Variants in ZCWPW2 observed in about 807,000 individuals in gnomAD.
ZCWPW2 encodes the protein zinc finger CW-type PWWP domain protein 2.
A neutral mutation model predicts 46.6 loss-of-function variants in ZCWPW2; 45 were observed. The observed-to-expected ratio is 0.96, with a 90% CI of 0.76 to 1.24. The LOEUF (loss-of-function observed/expected upper bound fraction) is 1.24. Ranked by LOEUF, ZCWPW2 falls within the 50% of genes most tolerant of loss-of-function variation. The pLI is 0.00. For missense variants in ZCWPW2, 429 were observed against 403.9 expected (o/e 1.06, Z -0.53); for synonymous variants, 152 against 137.1 (o/e 1.11, Z -0.76).
At chr3:28,508,140 G>T (rs1185399355) in intron 6 of ZCWPW2, among the ~76,000 whole-genome samples, 4 of 152,012 alleles carry the variant, frequency 2.6e-5, no homozygotes, top group Admixed American at 2.6e-4. Flanking sequence ...ACAACCAACC[G>T]TAGTGAGAAT....
intron 5 of ZCWPW2, among the ~76,000 whole-genome samples, chr3:28,487,750 G>T (rs143680246): frequency 2.0e-5 from 3 of 152,232 alleles, no homozygotes; most frequent in South Asian, 2.1e-4. Flanking sequence ...TAAGACATGA[G>T]GGGGAGGGAA....
intron 1 of ZCWPW2, among the ~76,000 whole-genome samples, chr3:28,356,866 A>G (rs915336959): frequency 2.6e-5 from 4 of 152,112 alleles, no homozygotes; most frequent in Non-Finnish European, 5.9e-5. Context: ...GGGTGGGAGA[A>G]GGGGGGAAGG....
chr3:28,440,671 A>G (rs897814902), intron 4 of ZCWPW2, among the ~76,000 whole-genome samples: 33 of 152,160 alleles, frequency 2.2e-4, no homozygotes, highest in African/African-American at 7.7e-4. Context: ...TGAATTTTAT[A>G]AGCATGAGCC....
At chr3:28,489,752 G>A (rs921820873) in intron 5 of ZCWPW2, among the ~76,000 whole-genome samples, 14 of 150,850 alleles carry the variant, frequency 9.3e-5, no homozygotes, top group African/African-American at 3.4e-4. Context: ...TTGATTATCT[G>A]TTATCTTCAG....
chr3:28,474,706 A>C (rs1376402231), intron 4 of ZCWPW2, among the ~76,000 whole-genome samples: 1 of 151,162 alleles, frequency 6.6e-6, no homozygotes, highest in African/African-American at 2.4e-5. Context: ...TTCTGTCCTG[A>C]ATTTTCATAT....
At chr3:28,408,781 T>C (rs1418975803) in intron 2 of ZCWPW2, among the ~76,000 whole-genome samples, 4 of 152,148 alleles carry the variant, frequency 2.6e-5, no homozygotes, top group Non-Finnish European at 5.9e-5. Context: ...TTATTGATAA[T>C]CTCATTCTTT....
intron 4 of ZCWPW2, among the ~76,000 whole-genome samples, chr3:28,461,331 T>C (rs1166723830): frequency 6.6e-6 from 1 of 152,116 alleles, no homozygotes; most frequent in Non-Finnish European, 1.5e-5. Flanking sequence ...TTAGGTACCA[T>C]TTTTTGTATA....
intron 5 of ZCWPW2, 103 bp from the exon 6 acceptor site, chr3:28,492,024 A>C: frequency 2.6e-6 from 3 of 1,149,048 alleles, no homozygotes; most frequent in Non-Finnish European, 3.8e-6. Context: ...ATACTGTTAC[A>C]ATAGTAATGA....
chr3:28,498,314 T>A (rs1306692071), intron 6 of ZCWPW2, among the ~76,000 whole-genome samples: 1 of 151,660 alleles, frequency 6.6e-6, no homozygotes, highest in Admixed American at 6.6e-5. Flanking sequence ...TACAAACTTA[T>A]AATTGAGACA....
At chr3:28,417,272 G>A (rs1696627997) in intron 3 of ZCWPW2, among the ~76,000 whole-genome samples, 1 of 151,918 alleles carries the variant, frequency 6.6e-6, no homozygotes, top group South Asian at 2.1e-4. Flanking sequence ...TAGAAGAAAT[G>A]GATAAATTCC....
At chr3:28,377,334 C>A (rs529515237) in intron 1 of ZCWPW2, among the ~76,000 whole-genome samples, 1 of 152,164 alleles carries the variant, frequency 6.6e-6, no homozygotes, top group South Asian at 2.1e-4. Context: ...AATCATTATG[C>A]AGTTCTCACT....
chr3:28,364,132 T>G (rs1705037279), intron 1 of ZCWPW2, among the ~76,000 whole-genome samples: 1 of 152,144 alleles, frequency 6.6e-6, no homozygotes. Context: ...TAGTATCAAC[T>G]AAGAGCAAAA....
intron 6 of ZCWPW2, among the ~76,000 whole-genome samples, chr3:28,495,417 A>G (rs1240640698): frequency 1.3e-5 from 2 of 152,128 alleles, no homozygotes; most frequent in Admixed American, 6.6e-5. Context: ...ATTTAGAATC[A>G]AAGACTATAA....
At position 28,390,585 on chromosome 3, in the gene ZCWPW2, A is replaced by G. The variant is rs1695447626; in HGVS notation, c.-46A>G. On this transcript the variant is annotated 5_prime_UTR_variant, in exon 2 of 10. Coordinates refer to ENST00000383768, the MANE Select transcript of ZCWPW2 (RefSeq NM_001040432.4). The stretch of plus-strand genomic sequence containing the variant: ...TTTTGGAGTCTATTTTCTTCATGGA[A>G]TTTTGCTAGGAACAAAAGAAAAGTC... 5 of 985,202 alleles carry G rather than the reference A, an allele frequency of 5.1e-6. No homozygotes were observed. In the East Asian group the frequency reaches 5.7e-4, roughly 112 times the overall value. 61.0% of individuals were successfully genotyped at this position (985,202 alleles called of 1,614,324 possible).
intron 4 of ZCWPW2, among the ~76,000 whole-genome samples, chr3:28,462,769 C>G (rs1286856190): frequency 6.6e-6 from 1 of 151,988 alleles, no homozygotes; most frequent in East Asian, 1.9e-4. Flanking sequence ...CTCCACGGGC[C>G]TCACTGGTGG....
At chr3:28,477,619 C>T (rs1699278361) in intron 4 of ZCWPW2, among the ~76,000 whole-genome samples, 1 of 152,052 alleles carries the variant, frequency 6.6e-6, no homozygotes. Context: ...AATTTGGGGA[C>T]TCTAAGAATA....
chr3:28,364,566 C>A (rs1000194421), intron 1 of ZCWPW2, among the ~76,000 whole-genome samples: 7 of 152,066 alleles, frequency 4.6e-5, no homozygotes, highest in African/African-American at 1.7e-4. Flanking sequence ...TTTACATTCC[C>A]ACCAACAGTG....
intron 4 of ZCWPW2, among the ~76,000 whole-genome samples, chr3:28,460,722 G>C (rs1431750325): frequency 6.6e-6 from 1 of 152,168 alleles, no homozygotes; most frequent in Non-Finnish European, 1.5e-5. Flanking sequence ...AGTTTCTACT[G>C]AACTGCTTTA....
chr3:28,514,647 C>T (rs535558606), intron 7 of ZCWPW2, among the ~76,000 whole-genome samples: 13 of 152,036 alleles, frequency 8.6e-5, no homozygotes, highest in Admixed American at 3.3e-4. Context: ...CTTAGAAGTA[C>T]GGAAAAAGCT....
Sources: gnomAD v4.1 joint callset for allele counts (sites outside exome capture counted in the v4.1 genomes callset) on GRCh38, gnomAD v4.1.1 for gene constraint, MANE v1.5 for transcripts, NCBI Gene and HGNC (gene_info 2026-07-23, HGNC 2026-07-21) for gene names.